Variants in SGCD observed in about 807,000 individuals in gnomAD.
SGCD encodes the protein sarcoglycan delta.
A neutral mutation model predicts 36.6 loss-of-function variants in SGCD; 18 were observed. The observed-to-expected ratio is 0.49, with a 90% CI of 0.34 to 0.73. The LOEUF (loss-of-function observed/expected upper bound fraction) is 0.73, where lower values mean the gene tolerates loss of function less well. Ranked by LOEUF, SGCD falls within the 30% of genes least tolerant of loss-of-function variation. The pLI is 0.01. For synonymous variants in SGCD, 133 were observed against 130.6 expected, an observed-to-expected ratio of 1.02 and a Z score of -0.12; for missense variants, 387 against 346.7, an observed-to-expected ratio of 1.12 and a Z score of -0.92.
chr5:155,914,786 A>G (rs1418963593), intron 1 of SGCD, among the ~76,000 whole-genome samples: 4 of 152,184 alleles, frequency 2.6e-5, no homozygotes, highest in Non-Finnish European at 5.9e-5. Flanking sequence ...AAAAGGTGAA[A>G]GGAATTTCTA....
chr5:155,910,629 C>G (rs1047979429), intron 1 of SGCD, among the ~76,000 whole-genome samples: 1 of 152,040 alleles, frequency 6.6e-6, no homozygotes, highest in South Asian at 2.1e-4. Context: ...TGAGCCAGTA[C>G]AAGGGAACTG....
chr5:156,653,719 C>T (rs1461920248), intron 7 of SGCD, among the ~76,000 whole-genome samples: 1 of 151,926 alleles, frequency 6.6e-6, no homozygotes, highest in African/African-American at 2.4e-5. Flanking sequence ...CCACATATTA[C>T]TCCATGCTAT....
Position 156,265,372 on chromosome 5 carries a change from C to T in SGCD, c.-43-64162C>T, listed in dbSNP as rs139922007. Among the ~76,000 whole-genome samples the T allele has an allele frequency of 2.9e-3, 442 of 152,052 alleles. 10 individuals are homozygous for T. The South Asian group carries it at 0.036, about 12-fold the overall frequency. On this transcript the variant is annotated intron_variant, in intron 3 of 9. Coordinates refer to the SGCD transcript ENST00000517913. Reference sequence around the variant, plus strand: ...ATATTGTTTCCTAATTACTCAGTTACGGAGAATGGATTTGCATGTCCTTTG... The same window carrying T: ...ATATTGTTTCCTAATTACTCAGTTATGGAGAATGGATTTGCATGTCCTTTG...
chr5:155,760,323 C>CTCTCCATCATCATCTCCA, the SGCD span, among the ~76,000 whole-genome samples: 2 of 24 alleles, frequency 0.083, no homozygotes, highest in Non-Finnish European at 0.11. Context: ...CATCATCACT[C>CTCTCCATCATCATCTCCA]TNNNNNNNNN....
chr5:155,746,746 T>A, the SGCD span, among the ~76,000 whole-genome samples: 194 of 152,284 alleles, frequency 1.3e-3, 1 homozygote, highest in African/African-American at 4.6e-3. Flanking sequence ...GAATCCTCCC[T>A]AATGGAGGGA....
At chr5:155,951,359 A>G (rs1757544296) in intron 1 of SGCD, among the ~76,000 whole-genome samples, 1 of 152,162 alleles carries the variant, frequency 6.6e-6, no homozygotes, top group South Asian at 2.1e-4. Flanking sequence ...AGAAGCGACA[A>G]TATGTAACTA....
chr5:156,546,417 G>A (rs1197964708), intron 4 of SGCD, among the ~76,000 whole-genome samples: 1 of 152,184 alleles, frequency 6.6e-6, no homozygotes, highest in African/African-American at 2.4e-5. Flanking sequence ...TGTGCACATT[G>A]TGTGTATTTT....
At chr5:156,219,348 C>G (rs895915300) in intron 3 of SGCD, among the ~76,000 whole-genome samples, 1 of 152,074 alleles carries the variant, frequency 6.6e-6, no homozygotes, top group Non-Finnish European at 1.5e-5. Flanking sequence ...ATAAACACAT[C>G]GATCATGTAC....
chr5:156,604,108 A>G (rs956339709), intron 6 of SGCD, among the ~76,000 whole-genome samples: 1 of 151,932 alleles, frequency 6.6e-6, no homozygotes, highest in South Asian at 2.1e-4. Context: ...CAATTGTTAT[A>G]TCTTCTTGTT....
chr5:156,525,072 T>A (rs978146321), intron 4 of SGCD, among the ~76,000 whole-genome samples: 2 of 152,148 alleles, frequency 1.3e-5, no homozygotes, highest in African/African-American at 4.8e-5. Context: ...ATTTTCTTTC[T>A]GTTGGATATG....
chr5:155,749,938 T>G, the SGCD span, among the ~76,000 whole-genome samples: 6 of 152,248 alleles, frequency 3.9e-5, no homozygotes, highest in African/African-American at 1.4e-4. Flanking sequence ...AAATCAAGTT[T>G]TAAAGCAAAT....
intron 1 of SGCD, among the ~76,000 whole-genome samples, chr5:156,090,008 A>T (rs1673989079): frequency 6.6e-6 from 1 of 152,180 alleles, no homozygotes; most frequent in Non-Finnish European, 1.5e-5. Context: ...AAATCTGACA[A>T]ATCCAAATGA....
chr5:155,799,145 ATAAG>A, the SGCD span, among the ~76,000 whole-genome samples: 1 of 152,216 alleles, frequency 6.6e-6, no homozygotes, highest in Admixed American at 6.5e-5. Flanking sequence ...TACATATTAA[ATAAG>A]TAACAAATGA....
At chr5:156,396,503 A>G (rs1221706633) in intron 3 of SGCD, among the ~76,000 whole-genome samples, 1 of 152,066 alleles carries the variant, frequency 6.6e-6, no homozygotes, top group Non-Finnish European at 1.5e-5. Flanking sequence ...TTTTGGAGAG[A>G]AAATATTTCA....
At chr5:156,624,939 C>T (rs1762387591) in intron 6 of SGCD, among the ~76,000 whole-genome samples, 1 of 152,186 alleles carries the variant, frequency 6.6e-6, no homozygotes, top group Admixed American at 6.5e-5. Context: ...TAGTTACAAC[C>T]AGATACCTGC....
chr5:156,526,193 A>T (rs78486691), intron 4 of SGCD, among the ~76,000 whole-genome samples: 1 of 152,248 alleles, frequency 6.6e-6, no homozygotes, highest in Non-Finnish European at 1.5e-5. Flanking sequence ...AAAGAACTTA[A>T]GCTGGGGAAG....
the SGCD span, among the ~76,000 whole-genome samples, chr5:155,790,428 G>T: frequency 1.3e-5 from 2 of 151,996 alleles, no homozygotes; most frequent in African/African-American, 2.4e-5. Flanking sequence ...TGGAGACAAT[G>T]ACCAGATCTA....
chr5:156,353,262 C>T (rs1253074316), intron 3 of SGCD, among the ~76,000 whole-genome samples: 1 of 152,090 alleles, frequency 6.6e-6, no homozygotes, highest in African/African-American at 2.4e-5. Flanking sequence ...AATAGGCAGT[C>T]ACTTTAAATT....
chr5:156,111,239 G>C (rs1304869280), intron 1 of SGCD, among the ~76,000 whole-genome samples: 2 of 152,136 alleles, frequency 1.3e-5, no homozygotes, highest in African/African-American at 4.8e-5. Flanking sequence ...AGACGAGACA[G>C]AGAGTGACAC....
Sources: gnomAD v4.1 joint callset for allele counts (sites outside exome capture counted in the v4.1 genomes callset) on GRCh38, gnomAD v4.1.1 for gene constraint, MANE v1.5 for transcripts, NCBI Gene and HGNC (gene_info 2026-07-23, HGNC 2026-07-21) for gene names.